The following BET1 variants were observed in gnomAD, a reference collection of about 807,000 sequenced individuals.
The protein encoded by BET1 is BET1 homolog.
A neutral mutation model predicts 13.9 loss-of-function variants in BET1; 9 were observed. That is an observed-to-expected ratio of 0.65 (90% CI 0.39 to 1.13). The LOEUF (loss-of-function observed/expected upper bound fraction) is 1.13. Among genes scored for constraint, BET1 ranks in the 50% most tolerant of loss-of-function variants. The pLI, the probability that BET1 is intolerant of heterozygous loss-of-function variation, is 0.01. For missense variants in BET1, 127 were observed against 133.6 expected (o/e 0.95, Z 0.24); for synonymous variants, 39 against 47.3 (o/e 0.82, Z 0.72).
chr7:93,996,357 TA>T, intron 2 of BET1, 36 bp from the exon 3 acceptor site: 1 of 1,408,938 alleles, frequency 7.1e-7, no homozygotes, highest in East Asian at 2.5e-5. Context: ...ATTACTCACA[TA>T]AAAGTATTCA....
chr7:94,004,163 G>A, intron 1 of BET1, 35 bp downstream of exon 1: 1 of 1,613,904 alleles, frequency 6.2e-7, no homozygotes, highest in East Asian at 2.2e-5. Flanking sequence ...CCCGGTTCTA[G>A]GGCCCCGAAC....
At chr7:93,968,255 C>T (rs1795206308) in intron 6 of BET1, 2 of 151,852 alleles carry the variant, frequency 1.3e-5, no homozygotes, top group South Asian at 2.1e-4. Flanking sequence ...CAGAAATACA[C>T]CTGATTTTAA....
intron 4 of BET1, among the ~76,000 whole-genome samples, chr7:93,980,910 G>A (rs1328023632): frequency 6.6e-6 from 1 of 152,106 alleles, no homozygotes; most frequent in African/African-American, 2.4e-5. Context: ...AGGCAAAGAA[G>A]TTTTTATTGC....
intron 2 of BET1, among the ~76,000 whole-genome samples, chr7:93,997,453 TG>T (rs1032670407): frequency 1.3e-5 from 2 of 152,128 alleles, no homozygotes; most frequent in Non-Finnish European, 2.9e-5. Flanking sequence ...TTATCTACAT[TG>T]GGGGGGTTTT....
chr7:93,993,384 A>G lies in BET1; in HGVS notation c.*846T>C, dbSNP rs1795682042. The G allele has an allele frequency of 2.5e-5, 24 of 976,772 alleles. No individual in the cohort carries two copies. The highest frequency in any genetic ancestry group is 2.8e-5 in the Non-Finnish European group (23 of 821,808). 60.5% of individuals were successfully genotyped at this position (976,772 alleles called of 1,614,324 possible). On this transcript the variant is annotated 3_prime_UTR_variant, in exon 4 of 4. Transcript: ENST00000222547. ...TTTGTGTTTTTCTTTCCATAAACAA[A>G]TACACTGGATTAAAGCAATAATACT...
intron 5 of BET1, among the ~76,000 whole-genome samples, chr7:93,974,670 T>C (rs1249481798): frequency 6.6e-6 from 1 of 151,984 alleles, no homozygotes; most frequent in Non-Finnish European, 1.5e-5. Context: ...GCAGCTCTTC[T>C]TTAGAAAAAG....
At chr7:93,991,149 T>C (rs1293727648), downstream of BET1, among the ~76,000 whole-genome samples, 1 of 152,168 alleles carries the variant, frequency 6.6e-6, no homozygotes, top group Non-Finnish European at 1.5e-5. Context: ...ACATGCCTTT[T>C]CCATAAATGA....
At chr7:93,964,999 T>A (rs1795151726) in exon 7 of BET1, 1 of 152,114 alleles carries the variant, frequency 6.6e-6, no homozygotes, top group African/African-American at 2.4e-5. Context: ...AAATAAATCA[T>A]TCTACCAAAG....
intron 1 of BET1, among the ~76,000 whole-genome samples, chr7:94,002,792 C>T (rs908291889): frequency 2.0e-5 from 3 of 152,158 alleles, no homozygotes; most frequent in Non-Finnish European, 4.4e-5. Context: ...TAATCCCTTA[C>T]TTCTTTTGAG....
At chr7:93,979,393 G>T (rs1456406801) in intron 4 of BET1, among the ~76,000 whole-genome samples, 1 of 152,066 alleles carries the variant, frequency 6.6e-6, no homozygotes, top group Non-Finnish European at 1.5e-5. Context: ...CCTGAAAGCA[G>T]TGACATTTTC....
intron 4 of BET1, among the ~76,000 whole-genome samples, chr7:93,981,350 A>G (rs1009412854): frequency 6.6e-6 from 1 of 152,222 alleles, no homozygotes; most frequent in Non-Finnish European, 1.5e-5. Context: ...GCAAAAGGTC[A>G]TTAATTGTTT....
chr7:93,993,827 G>T lies in BET1; in HGVS notation c.*403C>A, dbSNP rs1795693061. 2 of 1,530,696 alleles carry T rather than the reference G, an allele frequency of 1.3e-6. No homozygotes were observed. Among genetic ancestry groups the T allele is most frequent in the African/African-American group, 2.7e-5 (2 of 72,758 alleles). The allele number at this position is 1,530,696 out of a possible 1,614,324, so 94.8% of individuals were successfully genotyped here. On this transcript the variant is annotated 3_prime_UTR_variant, in exon 4 of 4. Coordinates refer to ENST00000222547, the MANE Select transcript of BET1 (RefSeq NM_005868.6). ...TTCAATTACCATTTTACCACAAACT[G>T]GCTGACTACTTCAAGAGCTCAGAGT...
intron 4 of BET1, among the ~76,000 whole-genome samples, chr7:93,979,123 G>T (rs1795386011): frequency 6.6e-6 from 1 of 152,144 alleles, no homozygotes; most frequent in South Asian, 2.1e-4. Flanking sequence ...GGTCAAGTCT[G>T]CATTCTGAGC....
chr7:93,968,721 C>A (rs1170916340), intron 6 of BET1, among the ~76,000 whole-genome samples: 1 of 151,746 alleles, frequency 6.6e-6, no homozygotes, highest in Non-Finnish European at 1.5e-5. Context: ...ACACTACACT[C>A]TCTTTCTTTT....
Position 93,993,731 on chromosome 7 carries a change from T to G in BET1, c.*499A>C, listed in dbSNP as rs1795690812. 7.4e-7 allele frequency: 1 copy of G among 1,351,956 alleles called. No individual in the cohort carries two copies. The highest frequency in any genetic ancestry group is 2.1e-5 in the South Asian group (1 of 46,840). 83.7% of individuals were successfully genotyped at this position (1,351,956 alleles called of 1,614,324 possible). ...TAGGAAGATTGTAGGTAAAAAGAAA[T>G]CAGCCTACAATTTTAACTAAATAAA... is the stretch of plus-strand genomic sequence containing the variant. On this transcript the variant is annotated 3_prime_UTR_variant, in exon 4 of 4. Coordinates refer to ENST00000222547, the MANE Select transcript of BET1 (RefSeq NM_005868.6).
chr7:93,992,301 C>T (rs1292464934), downstream of BET1: 1 of 985,026 alleles, frequency 1.0e-6, no homozygotes, highest in East Asian at 1.1e-4. Flanking sequence ...ATACTGTCCA[C>T]ATTAAAATTT....
chr7:93,968,533 T>G (rs1425232429), intron 6 of BET1: 2 of 151,832 alleles, frequency 1.3e-5, no homozygotes, highest in Admixed American at 6.6e-5. Context: ...ATTCAGTACA[T>G]GTTTTGTATG....
At chr7:93,969,645 C>T (rs1354090504) in intron 6 of BET1, 1 of 151,586 alleles carries the variant, frequency 6.6e-6, no homozygotes, top group Non-Finnish European at 1.5e-5. Flanking sequence ...AAGGTATTCA[C>T]CTGAGCACAT....
At chr7:93,979,322 G>C (rs1795390100) in intron 4 of BET1, among the ~76,000 whole-genome samples, 1 of 151,882 alleles carries the variant, frequency 6.6e-6, no homozygotes, top group Non-Finnish European at 1.5e-5. Flanking sequence ...GCAATGGCAG[G>C]GATTTACCAC....
Sources: allele counts gnomAD v4.1 joint callset (sites outside exome capture counted in the v4.1 genomes callset), GRCh38; gene constraint gnomAD v4.1.1; transcripts MANE v1.5; gene names NCBI Gene and HGNC (gene_info 2026-07-23, HGNC 2026-07-21).